SPAG17: variants seen among roughly 807,000 people sequenced by gnomAD.
SPAG17 encodes sperm associated antigen 17, also known as sperm-associated antigen 17.
Under a neutral mutation model 273.6 loss-of-function variants are expected in SPAG17, and 169 were observed. The ratio of observed to expected loss-of-function variants is 0.62; its 90% CI spans 0.55 to 0.70. The LOEUF (loss-of-function observed/expected upper bound fraction) is 0.70. Ranked by LOEUF, SPAG17 falls within the 30% of genes least tolerant of loss-of-function variation. The probability of loss-of-function intolerance (pLI) is 0.00; values close to 1 mark genes in which losing one functional copy is unlikely to be tolerated. For synonymous variants in SPAG17, 825 were observed against 873.2 expected, an observed-to-expected ratio of 0.94 and a Z score of 0.97; for missense variants, 2,557 against 2,627.8, an observed-to-expected ratio of 0.97 and a Z score of 0.59.
Position 118,095,279 on chromosome 1 carries a change from T to C in SPAG17, c.1012-1962A>G, listed in dbSNP as rs1053374492. Among the ~76,000 whole-genome samples, 6 of 152,302 alleles carry C rather than the reference T, an allele frequency of 3.9e-5. No homozygotes were observed. In the South Asian group the frequency reaches 6.2e-4, roughly 16 times the overall value. ...TTGTATACCACAGTGTTCACATCTATGTTCTGATGATGCAATGGACTGTAC... is the reference window on the plus strand; with the variant it reads ...TTGTATACCACAGTGTTCACATCTACGTTCTGATGATGCAATGGACTGTAC... On this transcript the variant is annotated intron_variant, in intron 7 of 48. Coordinates refer to ENST00000336338, the MANE Select transcript of SPAG17 (RefSeq NM_206996.4).
At chr1:118,139,567 G>A (rs548298146) in intron 3 of SPAG17, among the ~76,000 whole-genome samples, 38 of 152,114 alleles carry the variant, frequency 2.5e-4, no homozygotes, top group South Asian at 1.7e-3. Flanking sequence ...CAATCTAAGC[G>A]TTCATCAACA....
At chr1:118,062,553 G>A (rs1652450808) in intron 18 of SPAG17, among the ~76,000 whole-genome samples, 1 of 151,740 alleles carries the variant, frequency 6.6e-6, no homozygotes, top group South Asian at 2.1e-4. Context: ...AAGGATAAAA[G>A]GTTCATCAGG....
intron 1 of SPAG17, among the ~76,000 whole-genome samples, chr1:118,160,504 A>C (rs565656856): frequency 6.6e-6 from 1 of 152,342 alleles, no homozygotes; most frequent in East Asian, 1.9e-4. Flanking sequence ...TGCTTGGTTA[A>C]TTCAATCTCA....
chr1:118,150,410 C>T (rs1659308444), intron 3 of SPAG17, 133 bp downstream of exon 3: 1 of 451,054 alleles, frequency 2.2e-6, no homozygotes, highest in Non-Finnish European at 3.9e-6. Context: ...TGTTCACCAT[C>T]AGGAACAAAT....
chr1:118,040,904 G>C (rs1649678336), intron 21 of SPAG17, 63 bp from the exon 22 acceptor site: 23 of 1,129,818 alleles, frequency 2.0e-5, no homozygotes, highest in Non-Finnish European at 3.0e-5. Context: ...CAACTTATCA[G>C]TGTTAGCCAA....
At chr1:118,109,991 T>C (rs1005919516) in intron 4 of SPAG17, among the ~76,000 whole-genome samples, 8 of 152,334 alleles carry the variant, frequency 5.3e-5, no homozygotes, top group Non-Finnish European at 1.0e-4. Context: ...GAGCCATTTT[T>C]TCTTTTTTAA....
chr1:117,980,888 T>G (rs1304188379), intron 43 of SPAG17, among the ~76,000 whole-genome samples: 1 of 152,220 alleles, frequency 6.6e-6, no homozygotes, highest in African/African-American at 2.4e-5. Flanking sequence ...AAGAAAGTAC[T>G]GAGATAACAG....
intron 3 of SPAG17, among the ~76,000 whole-genome samples, chr1:118,135,823 G>A (rs1658325664): frequency 6.6e-6 from 1 of 152,140 alleles, no homozygotes; most frequent in South Asian, 2.1e-4. Context: ...AAGCTTCCAG[G>A]TCTCGCTCTT....
chr1:118,062,164 G>A (rs376648560), intron 18 of SPAG17, among the ~76,000 whole-genome samples: 35 of 151,868 alleles, frequency 2.3e-4, no homozygotes, highest in South Asian at 6.2e-4. Flanking sequence ...TCAGGAGATC[G>A]AGACCATCCC....
rs189847821 is a variant in SPAG17, at chr1:118,036,756, T to C, written c.3433+14A>G. 1.3e-6 allele frequency: 2 copies of C among 1,528,512 alleles called. No individual in the cohort carries two copies. The highest frequency in any genetic ancestry group is 4.9e-5 in the East Asian group (2 of 40,814). The allele number at this position is 1,528,512 out of a possible 1,614,324, so 94.7% of individuals were successfully genotyped here. ...TGTGGGGCACACTTATCCTTGCTGT[T>C]GTGTTCATTTCACCTGGTGCCATTC... is the stretch of plus-strand genomic sequence containing the variant. On this transcript the variant is annotated intron_variant, in intron 24 of 48. Coordinates refer to ENST00000336338, the MANE Select transcript of SPAG17 (RefSeq NM_206996.4).
chr1:118,037,655 C>A (rs1649243225), intron 23 of SPAG17, among the ~76,000 whole-genome samples: 2 of 152,162 alleles, frequency 1.3e-5, no homozygotes, highest in African/African-American at 4.8e-5. Context: ...TCCGCTGCAT[C>A]CATGTGCTGC....
intron 43 of SPAG17, among the ~76,000 whole-genome samples, chr1:117,977,541 T>C (rs1198248148): frequency 1.3e-5 from 2 of 152,190 alleles, no homozygotes; most frequent in African/African-American, 4.8e-5. Context: ...AATCTTAAAA[T>C]CTATGAAATT....
rs1651759627 is a variant in SPAG17 at position 117,953,695 on chromosome 1, C to G, written c.*355G>C. 6.6e-6 allele frequency among the ~76,000 whole-genome samples: 1 copy of G among 152,038 alleles called. No individual in the cohort carries two copies. The highest frequency in any genetic ancestry group is 2.4e-5 in the African/African-American group (1 of 41,434). ...TATAACCTGTTTCCTTCTCTTGTAA[C>G]CAAAGATGGGAGTAGTCCTGAATCT... On this transcript the variant is annotated 3_prime_UTR_variant, in exon 49 of 49. Coordinates refer to ENST00000336338, the MANE Select transcript of SPAG17 (RefSeq NM_206996.4).
At chr1:118,093,803 A>G (rs1655542647) in intron 7 of SPAG17, among the ~76,000 whole-genome samples, 1 of 152,228 alleles carries the variant, frequency 6.6e-6, no homozygotes, top group Admixed American at 6.5e-5. Flanking sequence ...GTGGGCAATC[A>G]GTATTTCTTC....
At chr1:118,052,280 A>G (rs1257965192) in intron 20 of SPAG17, among the ~76,000 whole-genome samples, 1 of 151,656 alleles carries the variant, frequency 6.6e-6, no homozygotes, top group Non-Finnish European at 1.5e-5. Flanking sequence ...ACATGACATT[A>G]AGTGAAATAA....
chr1:118,084,362 TG>T (rs776461359), intron 13 of SPAG17, among the ~76,000 whole-genome samples: 2 of 152,214 alleles, frequency 1.3e-5, no homozygotes, highest in Non-Finnish European at 2.9e-5. Flanking sequence ...AATATGCACA[TG>T]CTCTTTTCTT....
chr1:118,061,303 A>C lies in SPAG17; in HGVS notation c.2541-5389T>G, dbSNP rs139453161. On this transcript the variant is annotated intron_variant, in intron 18 of 48. Coordinates refer to ENST00000336338, the MANE Select transcript of SPAG17 (RefSeq NM_206996.4). ...AGTAGCCAAGATAAAAAAACAACCTAAGTATCTGATGATAGATTTTAAATA... is the reference window on the plus strand; with the variant it reads ...AGTAGCCAAGATAAAAAAACAACCTCAGTATCTGATGATAGATTTTAAATA... 1.2e-3 allele frequency among the ~76,000 whole-genome samples: 176 copies of C among 152,312 alleles called. 2 individuals are homozygous for C. The highest frequency in any genetic ancestry group is 4.0e-3 in the African/African-American group (167 of 41,580).
At chr1:118,084,787 G>A (rs900640351) in intron 13 of SPAG17, among the ~76,000 whole-genome samples, 13 of 152,098 alleles carry the variant, frequency 8.5e-5, no homozygotes, top group Non-Finnish European at 1.6e-4. Flanking sequence ...GTTCTACTGG[G>A]TATCCAGAGA....
chr1:118,087,176 AGGAAAAGT>A, intron 10 of SPAG17, 168 bp from the exon 11 acceptor site: 1 of 564,916 alleles, frequency 1.8e-6, no homozygotes, highest in Non-Finnish European at 2.8e-6. Flanking sequence ...ACCAAGTAAA[AGGAAAAGT>A]GTTCGCAATC....
Sources: gnomAD v4.1 joint callset for allele counts (sites outside exome capture counted in the v4.1 genomes callset) on GRCh38, gnomAD v4.1.1 for gene constraint, MANE v1.5 for transcripts, NCBI Gene and HGNC (gene_info 2026-07-23, HGNC 2026-07-21) for gene names.